The following TCP1 variants were observed in gnomAD, a reference collection of about 807,000 sequenced individuals.
TCP1 encodes T-complex protein 1 subunit alpha.
TCP1 carries 6 observed loss-of-function variants against 54.7 expected under a neutral mutation model. The ratio of observed to expected loss-of-function variants is 0.11; its 90% confidence interval spans 0.06 to 0.22. The LOEUF (loss-of-function observed/expected upper bound fraction) is 0.22, where lower values mean the gene tolerates loss of function less well. Among genes scored for constraint, TCP1 ranks in the 10% least tolerant of loss-of-function variants. The probability of loss-of-function intolerance (pLI) is 1.00; values close to 1 mark genes in which losing one functional copy is unlikely to be tolerated. For synonymous variants in TCP1, 225 were observed against 229.7 expected (o/e 0.98, Z 0.19); for missense variants, 511 against 678.2 (o/e 0.75, Z 2.74).
intron 1 of TCP1, chr6:159,789,166 A>T (rs980401995): frequency 1.7e-5 from 9 of 514,824 alleles, no homozygotes; most frequent in Non-Finnish European, 2.8e-5. Flanking sequence ...CGGACACCAC[A>T]TCCACGCGTT....
intron 7 of TCP1, among the ~76,000 whole-genome samples, chr6:159,783,053 G>A (rs1780612719): frequency 1.3e-5 from 2 of 152,180 alleles, no homozygotes. Flanking sequence ...ACATCTGCCT[G>A]TAAAGATGTA....
Position 159,778,996 on chromosome 6 carries a change from G to A in TCP1, c.*49C>T. 6.3e-7 allele frequency: 1 copy of A among 1,588,180 alleles called. No homozygotes were observed. The highest frequency in any genetic ancestry group is 8.6e-7 in the Non-Finnish European group (1 of 1,161,620). On this transcript the variant is annotated 3_prime_UTR_variant, in exon 12 of 12. Transcript: ENST00000321394. Reference sequence around the variant, plus strand: ...TTTAATGTGTAATACTCAACTCAAGGTACAAGACAATTGCATTTAACATTG... The same window carrying A: ...TTTAATGTGTAATACTCAACTCAAGATACAAGACAATTGCATTTAACATTG...
chr6:159,786,065 C>T lies in TCP1; in HGVS notation c.280-68G>A, dbSNP rs531337620. On this transcript the variant is annotated intron_variant, in intron 3 of 11. Coordinates refer to ENST00000321394, the MANE Select transcript of TCP1 (RefSeq NM_030752.3). ...AACATGTGCAATACATATGGAATGA[C>T]ACTAAAATGGCCATATATTATTAAC... The T allele has an allele frequency of 2.6e-5, 33 of 1,268,224 alleles. No homozygotes were observed. The African/African-American group carries it at 4.4e-4, about 17-fold the overall frequency. 78.6% of individuals were successfully genotyped at this position (1,268,224 alleles called of 1,614,324 possible). A position where few individuals can be genotyped will look rare whatever the true frequency, so the allele number is the denominator to read the frequency against.
chr6:159,779,445 C>G (rs1780519054), intron 11 of TCP1, 182 bp downstream of exon 11: 3 of 961,070 alleles, frequency 3.1e-6, no homozygotes, highest in African/African-American at 3.3e-5. Flanking sequence ...CACACCAGTG[C>G]TAATAATTAG....
At chr6:159,787,693 A>C (rs371817158) in intron 3 of TCP1, 50 bp downstream of exon 3, 79 of 1,586,412 alleles carry the variant, frequency 5.0e-5, no homozygotes, top group Non-Finnish European at 6.4e-5. Context: ...CAACTTTCTG[A>C]AAGTCGGTCG....
At position 159,785,459 on chromosome 6, in the gene TCP1, T is replaced by A; in HGVS notation, c.415A>T (p.Asn139Tyr). Residue 139 changes from asparagine to tyrosine, a missense_variant, in exon 5 of 12, where the codon AAC becomes TAC. Transcript: ENST00000321394. ...VRYINENLIV[N>Y]TDELGRDCLI... The stretch of plus-strand genomic sequence containing the variant: ...CAATCTCTTCCCAGTTCATCTGTGT[T>A]AACAATTAGGTTTTCATTGATATAA... 6.2e-7 allele frequency: 1 copy of A among 1,613,986 alleles called. No individual in the cohort carries two copies. The highest frequency in any genetic ancestry group is 8.5e-7 in the Non-Finnish European group (1 of 1,180,012).
chr6:159,780,062 T>C lies in TCP1; in HGVS notation c.1123A>G (p.Ile375Val). 6.2e-7 allele frequency: 1 copy of C among 1,614,154 alleles called. No individual in the cohort carries two copies. The highest frequency in any genetic ancestry group is 1.7e-5 in the Admixed American group (1 of 60,016). ...KNTKARTSAS[I>V]ILRGANDFMC... Reference sequence around the variant, plus strand: ...AAATCATTTGCCCCACGTAAGATAATCGATGCAGACGTACGAGCCTTAGTA... The same window carrying C: ...AAATCATTTGCCCCACGTAAGATAACCGATGCAGACGTACGAGCCTTAGTA... Residue 375 changes from isoleucine (I) to valine (V), a missense_variant, in exon 10 of 12, where the codon ATT becomes GTT. This residue lies in a region of TCP1 where 305 missense variants were observed against 352.8 expected (regional missense o/e 0.86). Transcript: ENST00000321394.
At chr6:159,784,605 AAAG>A in intron 6 of TCP1, 58 bp downstream of exon 6, 1 of 1,562,580 alleles carries the variant, frequency 6.4e-7, no homozygotes, top group Non-Finnish European at 8.7e-7. Flanking sequence ...CGCCCAGCCA[AAAG>A]AAAAGCTAGT....
intron 3 of TCP1, among the ~76,000 whole-genome samples, chr6:159,786,882 T>C (rs1229266541): frequency 2.6e-5 from 4 of 152,160 alleles, no homozygotes; most frequent in Non-Finnish European, 4.4e-5. Context: ...GATCACACTG[T>C]CATATCATGA....
In TCP1 at chr6:159,785,075, G is replaced by A. The variant is rs1583141901; in HGVS notation, c.489-228C>T. On this transcript the variant is annotated intron_variant, in intron 5 of 11. Coordinates refer to ENST00000321394, the MANE Select transcript of TCP1 (RefSeq NM_030752.3). Reference sequence around the variant, plus strand: ...CCTAAAAAAGCAGGGAAGGCAACAGGTAATTTCAATACAGCATTACTCCTC... The same window carrying A: ...CCTAAAAAAGCAGGGAAGGCAACAGATAATTTCAATACAGCATTACTCCTC... 4 of 611,608 alleles carry A rather than the reference G, an allele frequency of 6.5e-6. 1 individual carries two copies. The highest frequency in any genetic ancestry group is 5.5e-5 in the East Asian group (2 of 36,096). The allele number at this position is 611,608 out of a possible 1,614,324, so 37.9% of individuals were successfully genotyped here.
chr6:159,786,575 T>C (rs779377196), intron 3 of TCP1, among the ~76,000 whole-genome samples: 1 of 152,244 alleles, frequency 6.6e-6, no homozygotes, highest in Non-Finnish European at 1.5e-5. Flanking sequence ...TTCTTCAAGT[T>C]GATAAAACAC....
rs547423452 is a variant in TCP1 at position 159,784,307 on chromosome 6, A to T, written c.671-240T>A. Reference sequence around the variant, plus strand: ...CATAATCCACAAAAAAACATTTTTTATTTTTTTTTTTTTTTGAGACGGAGT... The same window carrying T: ...CATAATCCACAAAAAAACATTTTTTTTTTTTTTTTTTTTTTGAGACGGAGT... On this transcript the variant is annotated intron_variant, in intron 6 of 11. Transcript: ENST00000321394. Among the ~76,000 whole-genome samples, 57 of 144,072 alleles carry T rather than the reference A, an allele frequency of 4.0e-4. 1 individual carries two copies. The South Asian group carries it at 5.5e-3, about 14-fold the overall frequency. 94.5% of individuals were successfully genotyped at this position (144,072 alleles called of 152,430 possible).
At position 159,780,146 on chromosome 6, in the gene TCP1, A is replaced by T; in HGVS notation, c.1098-59T>A. ...CATTTTTAAAAATTTTTTTTTGCCA[A>T]GACCATCAATTTCTCAAAAAAAATG... On this transcript the variant is annotated intron_variant, in intron 9 of 11. Coordinates refer to ENST00000321394, the MANE Select transcript of TCP1 (RefSeq NM_030752.3). The T allele has an allele frequency of 1.9e-6, 3 of 1,566,098 alleles. No homozygotes were observed. In the South Asian group the frequency reaches 3.5e-5, roughly 18 times the overall value.
Position 159,789,568 on chromosome 6 carries a change from G to C in TCP1, c.-100C>G. On this transcript the variant is annotated 5_prime_UTR_variant, in exon 1 of 12. Transcript: ENST00000321394. ...CGACCACAGCAGTGGCTGCGACGGC[G>C]TGGAGCGTACCCGAGCGATGTCCCA... is the stretch of plus-strand genomic sequence containing the variant. The C allele has an allele frequency of 7.0e-7, 1 of 1,422,898 alleles. No individual in the cohort carries two copies. Among genetic ancestry groups the C allele is most frequent in the Non-Finnish European group, 9.8e-7 (1 of 1,023,652 alleles). 88.1% of individuals were successfully genotyped at this position (1,422,898 alleles called of 1,614,324 possible). A position where few individuals can be genotyped will look rare whatever the true frequency, so the allele number is the denominator to read the frequency against.
At chr6:159,782,198 T>C (rs866699784) in intron 7 of TCP1, among the ~76,000 whole-genome samples, 4 of 152,222 alleles carry the variant, frequency 2.6e-5, no homozygotes, top group Admixed American at 6.5e-5. Flanking sequence ...CCATAAACTA[T>C]GGGAGATCCA....
Position 159,779,056 on chromosome 6 carries a change from G to C in TCP1, c.1660C>G (p.Leu554Val), listed in dbSNP as rs1780506643. The change falls in exon 12 of 12, where the codon CTT becomes GTT. Residue 554 changes from leucine to valine, a missense_variant. This residue lies in a region of TCP1 where 29 missense variants were observed against 27.7 expected (regional missense o/e 1.05). Transcript: ENST00000321394. Reference sequence around the variant, plus strand: ...AAAGGAACATCAGATCAATCATTAAGGGCTCCAGAGTGAACAGCATCTTCA... The same window carrying C: ...AAAGGAACATCAGATCAATCATTAACGGCTCCAGAGTGAACAGCATCTTCA... ...SYEDAVHSGA[L>V]ND 1 of 1,613,106 alleles carries C rather than the reference G, an allele frequency of 6.2e-7. No individual in the cohort carries two copies. Among genetic ancestry groups the C allele is most frequent in the African/African-American group, 1.3e-5 (1 of 74,868 alleles).
At chr6:159,787,637 T>C (rs1237848063) in intron 3 of TCP1, 106 bp downstream of exon 3, 9 of 1,371,896 alleles carry the variant, frequency 6.6e-6, no homozygotes, top group African/African-American at 1.5e-5. Flanking sequence ...GCATTCAGAA[T>C]ATGTAACTTA....
rs2295900 is a variant in TCP1, at chr6:159,780,863, C to T, written c.973+72G>A. ...TTTGAGCTGTTTTCTGTCAATATTC[C>T]AATGTAAAAAGACCTTTGATAGGAT... On this transcript the variant is annotated intron_variant, in intron 8 of 11. Coordinates refer to ENST00000321394, the MANE Select transcript of TCP1 (RefSeq NM_030752.3). 295,314 of 1,476,770 alleles carry T rather than the reference C, an allele frequency of 0.2. 30,931 individuals are homozygous for T. Among genetic ancestry groups the T allele is most frequent in the East Asian group, 0.38 (16,491 of 42,980 alleles). The allele number at this position is 1,476,770 out of a possible 1,614,324, so 91.5% of individuals were successfully genotyped here. A position where few individuals can be genotyped will look rare whatever the true frequency, so the allele number is the denominator to read the frequency against.
rs777942713 is a variant in TCP1, at chr6:159,779,064, G to A, written c.1652C>T (p.Ser551Phe). Residue 551 changes from serine (S) to phenylalanine (F), a missense_variant, in exon 12 of 12, where the codon TCT (serine) becomes TTT (phenylalanine). Coordinates refer to ENST00000321394, the MANE Select transcript of TCP1 (RefSeq NM_030752.3). Reference sequence around the variant, plus strand: ...ATCAGATCAATCATTAAGGGCTCCAGAGTGAACAGCATCTTCATAACTTCC... The same window carrying A: ...ATCAGATCAATCATTAAGGGCTCCAAAGTGAACAGCATCTTCATAACTTCC... Reference protein sequence around the residue: ...KHGSYEDAVHSGALND With the variant: ...KHGSYEDAVHFGALND 3.1e-6 allele frequency: 5 copies of A among 1,613,924 alleles called. No homozygotes were observed. Among genetic ancestry groups the A allele is most frequent in the Non-Finnish European group, 4.2e-6 (5 of 1,179,844 alleles).
Sources: gnomAD v4.1 joint callset for allele counts (sites outside exome capture counted in the v4.1 genomes callset) on GRCh38, gnomAD v4.1.1 for gene constraint, gnomAD v4.1.1 regional missense constraint, MANE v1.5 for transcripts, NCBI Gene and HGNC (gene_info 2026-07-23, HGNC 2026-07-21) for gene names.